The following ZNF200 variants were observed in gnomAD, a reference collection of about 807,000 sequenced individuals.
ZNF200 encodes the protein zinc finger protein 200.
Under a neutral mutation model 33.6 loss-of-function variants are expected in ZNF200, and 35 were observed. The observed-to-expected ratio is 1.04, with a 90% confidence interval of 0.80 to 1.38. The LOEUF is 1.38. ZNF200 is among the 40% of genes most tolerant of loss of function. The pLI is 0.00. For synonymous variants in ZNF200, 209 were observed against 167.7 expected (o/e 1.25, Z -1.90); for missense variants, 592 against 470.6 (o/e 1.26, Z -2.39).
At chr16:3,230,563 C>T (rs1236698203) in intron 4 of ZNF200, among the ~76,000 whole-genome samples, 1 of 152,142 alleles carries the variant, frequency 6.6e-6, no homozygotes, top group Non-Finnish European at 1.5e-5. Flanking sequence ...CTACGTTTTT[C>T]CTTATTTTTA....
rs9302870 is a variant in ZNF200, at chr16:3,232,468, G to C, written c.419C>G (p.Thr140Arg). ...ACTGCTGTCATCTTCCTTCTCTGAC[G>C]TGAGTTGTTGAGTAGGATCCAAGCT... ...CVSLDPTQQL[T>R]SEKEDDSSVG... Residue 140 changes from threonine to arginine, a missense_variant, in exon 4 of 5, where the codon ACG (threonine) becomes AGG (arginine). By Grantham distance (71) the Thr-to-Arg change is moderately conservative (BLOSUM62 -1). Transcript: ENST00000414144. 9 of 1,613,900 alleles carry C rather than the reference G, an allele frequency of 5.6e-6. No individual in the cohort carries two copies. Among genetic ancestry groups the C allele is most frequent in the Admixed American group, 5.0e-5 (3 of 59,994 alleles).
intron 2 of ZNF200, 63 bp from the exon 3 acceptor site, chr16:3,232,984 T>A: frequency 6.9e-7 from 1 of 1,456,782 alleles, no homozygotes; most frequent in Non-Finnish European, 9.6e-7. Flanking sequence ...AGACTCCCCA[T>A]ACCGCGAGGC....
At chr16:3,232,770 A>G in intron 3 of ZNF200, 63 bp downstream of exon 3, 2 of 1,556,226 alleles carry the variant, frequency 1.3e-6, no homozygotes, top group Non-Finnish European at 1.8e-6. Context: ...GTGTTTTTAC[A>G]CACAGGTTGG....
rs767714437 is a variant in ZNF200 at position 3,223,851 on chromosome 16, G to C, written c.*41C>G. ...TCAGAACTACTTATGAAAGCTCTCA[G>C]GTTGAGGCAGCACCATCAGACCCAG... On this transcript the variant is annotated 3_prime_UTR_variant, in exon 5 of 5. Coordinates refer to ENST00000414144, the MANE Select transcript of ZNF200 (RefSeq NM_198088.3). 8 of 1,552,954 alleles carry C rather than the reference G, an allele frequency of 5.2e-6. No individual in the cohort carries two copies. In the Admixed American group the frequency reaches 1.6e-4, roughly 31 times the overall value.
Position 3,224,407 on chromosome 16 carries a change from C to T in ZNF200, c.673G>A (p.Asp225Asn). 2 of 1,614,172 alleles carry T rather than the reference C, an allele frequency of 1.2e-6. No individual in the cohort carries two copies. Among genetic ancestry groups the T allele is most frequent in the Non-Finnish European group, 1.7e-6 (2 of 1,180,012 alleles). ...MRNLLVTIENDTPLEELSKYV... is the reference protein window; with the variant it reads ...MRNLLVTIENNTPLEELSKYV... ...TTTGAGAGTTCCTCTAGAGGAGTAT[C>T]ATTCTCAATGGTAACTAACAGATTT... is the stretch of plus-strand genomic sequence containing the variant. The change falls in exon 5 of 5, where the codon GAT becomes AAT. Residue 225 changes from aspartate (D) to asparagine (N), a missense_variant. Asp to Asn is a conservative substitution (Grantham distance 23). Transcript: ENST00000414144.
At chr16:3,233,080 G>A (rs1958686188) in intron 2 of ZNF200, among the ~76,000 whole-genome samples, 159 bp from the exon 3 acceptor site, 2 of 152,100 alleles carry the variant, frequency 1.3e-5, no homozygotes, top group African/African-American at 4.8e-5. Context: ...TAAACTCTAG[G>A]GTCTTGAACC....
Position 3,233,760 on chromosome 16 carries a change from T to C in ZNF200, c.-5A>G. 6.2e-7 allele frequency: 1 copy of C among 1,607,590 alleles called. No homozygotes were observed. The highest frequency in any genetic ancestry group is 1.3e-5 in the African/African-American group (1 of 74,896). ...AACCACTTTTGCAGCCATCATGCCT[T>C]GCAACCACACACCACACTCGTTTCG... is the stretch of plus-strand genomic sequence containing the variant. On this transcript the variant is annotated 5_prime_UTR_variant, in exon 2 of 5. Transcript: ENST00000414144.
At position 3,223,975 on chromosome 16, in the gene ZNF200, A is replaced by AT. The variant is rs749767281; in HGVS notation, c.1104dup (p.Cys369MetfsTer15). ...GACAGCCGACCAAATCTTCTCCCACATTTTTTGCAACCATATGGTCTCTCA... is the reference window on the plus strand; with the variant it reads ...GACAGCCGACCAAATCTTCTCCCACATTTTTTTGCAACCATATGGTCTCTCA... On this transcript the variant is annotated frameshift_variant, in exon 5 of 5. Coordinates refer to ENST00000414144, the MANE Select transcript of ZNF200 (RefSeq NM_198088.3). LOFTEE classifies it high-confidence loss of function. The AT allele has an allele frequency of 1.9e-6, 3 of 1,613,904 alleles. No individual in the cohort carries two copies. Among genetic ancestry groups the AT allele is most frequent in the Admixed American group, 3.3e-5 (2 of 59,992 alleles).
At chr16:3,227,924 T>TCAGTTCCAAGGGAAAA (rs1958514361) in intron 4 of ZNF200, 4 of 152,188 alleles carry the variant, frequency 2.6e-5, no homozygotes, top group African/African-American at 9.7e-5. Context: ...GATCACAGTC[T>TCAGTTCCAAGGGAAAA]TGTTCCAAGG....
intron 4 of ZNF200, chr16:3,226,199 T>G (rs1394250451): frequency 6.6e-6 from 1 of 151,698 alleles, no homozygotes. Flanking sequence ...ACTACAGACG[T>G]CCACCACCGC....
intron 4 of ZNF200, among the ~76,000 whole-genome samples, chr16:3,231,557 G>A (rs1958635596): frequency 6.6e-6 from 1 of 152,236 alleles, no homozygotes; most frequent in Non-Finnish European, 1.5e-5. Flanking sequence ...CATTTCTAGA[G>A]AAAAGGTAAA....
chr16:3,226,416 G>A (rs972118074), intron 4 of ZNF200: 1 of 152,106 alleles, frequency 6.6e-6, no homozygotes, highest in Non-Finnish European at 1.5e-5. Flanking sequence ...CATAGCTCTT[G>A]ACATGAACTA....
At chr16:3,228,363 T>C (rs536274495) in intron 4 of ZNF200, among the ~76,000 whole-genome samples, 2 of 152,294 alleles carry the variant, frequency 1.3e-5, no homozygotes, top group South Asian at 4.1e-4. Flanking sequence ...ATCTGTTAAC[T>C]ATTTTGTTAA....
At chr16:3,234,554 G>C (rs939955970) in intron 1 of ZNF200, 1 of 152,476 alleles carries the variant, frequency 6.6e-6, no homozygotes, top group African/African-American at 2.4e-5. Flanking sequence ...AGAGCAATGG[G>C]CTAGAAGACA....
chr16:3,234,256 A>C (rs1454704329), intron 1 of ZNF200: 2 of 152,622 alleles, frequency 1.3e-5, no homozygotes, highest in Admixed American at 1.3e-4. Context: ...AAAAAAAAAA[A>C]TTAGCTGGGC....
Position 3,233,757 on chromosome 16 carries a change from C to T in ZNF200, c.-2G>A, listed in dbSNP as rs201139762. The T allele has an allele frequency of 6.2e-7, 1 of 1,607,620 alleles. No homozygotes were observed. Among genetic ancestry groups the T allele is most frequent in the African/African-American group, 1.3e-5 (1 of 74,760 alleles). The stretch of plus-strand genomic sequence containing the variant: ...AGGAACCACTTTTGCAGCCATCATG[C>T]CTTGCAACCACACACCACACTCGTT... On this transcript the variant is annotated 5_prime_UTR_variant, in exon 2 of 5. Coordinates refer to ENST00000414144, the MANE Select transcript of ZNF200 (RefSeq NM_198088.3).
Position 3,224,565 on chromosome 16 carries a change from A to G in ZNF200, c.515T>C (p.Val172Ala). 1.2e-6 allele frequency: 2 copies of G among 1,611,218 alleles called. No individual in the cohort carries two copies. The change falls in exon 5 of 5, where the codon GTA becomes GCA. Residue 172 changes from valine to alanine, a missense_variant. By Grantham distance (64) the Val-to-Ala change is moderately conservative. Transcript: ENST00000414144. The part of the protein sequence containing the change: ...PEGEDPEREP[V>A]ENEDYREKSS... ...CTTTTCTCTATAATCTTCATTTTCT[A>G]CAGGTTCCCTCTCAGGATCTTCACC...
Position 3,224,153 on chromosome 16 carries a change from G to T in ZNF200, c.927C>A (p.Ser309=). 10 of 1,614,170 alleles carry T rather than the reference G, an allele frequency of 6.2e-6. No individual in the cohort carries two copies. Among genetic ancestry groups the T allele is most frequent in the Non-Finnish European group, 7.6e-6 (9 of 1,180,036 alleles). The change falls in exon 5 of 5, where the codon TCC becomes TCA. Residue 309 remains serine (S), a synonymous_variant. Transcript: ENST00000414144. The part of the protein sequence containing the change: ...ERIHTGEKPY[S]CSQCGKNFRQ... ...GGAAGTTTTTTCCACACTGAGAACA[G>T]GAATAAGGTTTCTCTCCTGTATGAA...
rs1596331758 is a variant in ZNF200, at chr16:3,223,729, T to C, written c.*163A>G. 2 of 1,094,046 alleles carry C rather than the reference T, an allele frequency of 1.8e-6. No homozygotes were observed. Among genetic ancestry groups the C allele is most frequent in the East Asian group, 2.5e-5 (1 of 40,704 alleles). 67.8% of individuals were successfully genotyped at this position (1,094,046 alleles called of 1,614,324 possible). On this transcript the variant is annotated 3_prime_UTR_variant, in exon 5 of 5. Transcript: ENST00000414144. ...GAAATGTTTTCTTCCCTGTGAATTTTCTAGCAATTTGAGGTTTTAGCTAAG... is the reference window on the plus strand; with the variant it reads ...GAAATGTTTTCTTCCCTGTGAATTTCCTAGCAATTTGAGGTTTTAGCTAAG...
Sources: gnomAD v4.1 joint callset for allele counts (sites outside exome capture counted in the v4.1 genomes callset) on GRCh38, gnomAD v4.1.1 for gene constraint, MANE v1.5 for transcripts, NCBI Gene and HGNC (gene_info 2026-07-23, HGNC 2026-07-21) for gene names.